UBE2E1: variants seen among roughly 807,000 people sequenced by gnomAD.
UBE2E1 encodes the protein ubiquitin-conjugating enzyme E2 E1.
Under a neutral mutation model 21.4 loss-of-function variants are expected in UBE2E1, and 6 were observed. That is an observed-to-expected ratio of 0.28 (90% CI 0.15 to 0.55). The LOEUF is 0.55. Ranked by LOEUF, UBE2E1 falls within the 20% of genes least tolerant of loss-of-function variation. The pLI is 0.93. For synonymous variants in UBE2E1, 87 were observed against 82.7 expected, an observed-to-expected ratio of 1.05 and a Z score of -0.28; for missense variants, 142 against 236.5, an observed-to-expected ratio of 0.60 and a Z score of 2.62.
intron 3 of UBE2E1, among the ~76,000 whole-genome samples, chr3:23,884,236 G>C (rs10681594): frequency 4.2e-5 from 5 of 118,642 alleles, no homozygotes; most frequent in Non-Finnish European, 7.2e-5. Context: ...AAACAGATTA[G>C]AGAGATAGCA....
rs58059005 is a variant in UBE2E1 at position 23,869,351 on chromosome 3, CT to C, written c.204-18192del. ...ACCTTTTTATAAACTTTATGGTATC[CT>C]TTTTTTTTTTTTTTTTTTTTTTTAA... On this transcript the variant is annotated intron_variant, in intron 3 of 5. Coordinates refer to ENST00000306627, the MANE Select transcript of UBE2E1 (RefSeq NM_003341.5). Among the ~76,000 whole-genome samples, 1,023 of 114,278 alleles carry C rather than the reference CT, an allele frequency of 9.0e-3. 14 individuals carry two copies. The highest frequency in any genetic ancestry group is 0.038 in the African/African-American group (912 of 23,694). 75.0% of individuals were successfully genotyped at this position (114,278 alleles called of 152,430 possible).
At chr3:23,868,992 A>C (rs566508887) in intron 3 of UBE2E1, among the ~76,000 whole-genome samples, 1 of 152,276 alleles carries the variant, frequency 6.6e-6, no homozygotes, top group South Asian at 2.1e-4. Context: ...AAGTTAGCTC[A>C]TTCCAAATTT....
At chr3:23,811,344 C>A in intron 2 of UBE2E1, 116 bp from the exon 3 acceptor site, 1 of 956,596 alleles carries the variant, frequency 1.0e-6, no homozygotes, top group Non-Finnish European at 1.7e-6. Flanking sequence ...TTCCTCTTTG[C>A]CCAGTAGAAT....
intron 3 of UBE2E1, among the ~76,000 whole-genome samples, chr3:23,864,597 TG>T (rs1305582402): frequency 6.6e-6 from 1 of 152,260 alleles, no homozygotes; most frequent in Admixed American, 6.5e-5. Context: ...TATTTTGTTT[TG>T]GCTTTATTCT....
chr3:23,821,327 CT>C (rs1160482361), intron 3 of UBE2E1, among the ~76,000 whole-genome samples: 1 of 152,148 alleles, frequency 6.6e-6, no homozygotes, highest in Admixed American at 6.5e-5. Context: ...AGGAAATGGC[CT>C]TGTGAAAAGT....
intron 3 of UBE2E1, among the ~76,000 whole-genome samples, chr3:23,844,484 T>A (rs943371824): frequency 2.0e-5 from 3 of 152,184 alleles, no homozygotes; most frequent in African/African-American, 7.2e-5. Context: ...GACCAGATCG[T>A]TTCCAGCTCT....
intron 4 of UBE2E1, among the ~76,000 whole-genome samples, chr3:23,888,783 A>G (rs1426381617): frequency 6.6e-6 from 1 of 152,262 alleles, no homozygotes; most frequent in Non-Finnish European, 1.5e-5. Flanking sequence ...GCTTACTTTG[A>G]GGCAGTGTAG....
chr3:23,853,891 A>G lies in UBE2E1; in HGVS notation c.204-33676A>G, dbSNP rs2125309063. 6.6e-6 allele frequency among the ~76,000 whole-genome samples: 1 copy of G among 152,212 alleles called. No individual in the cohort carries two copies. Among genetic ancestry groups the G allele is most frequent in the Non-Finnish European group, 1.5e-5 (1 of 67,990 alleles). On this transcript the variant is annotated intron_variant, in intron 3 of 5. Coordinates refer to ENST00000306627, the MANE Select transcript of UBE2E1 (RefSeq NM_003341.5). The surrounding 1 kb of genome is among the most constrained non-coding windows in gnomAD (Gnocchi z 4.1). ...TCCTCATTTTATAATAATTCGTTTT[A>G]TCCACATGGTTCAAGTGGGTCTTTT...
chr3:23,852,917 G>GTT (rs376198572), intron 3 of UBE2E1, among the ~76,000 whole-genome samples: 22 of 141,956 alleles, frequency 1.5e-4, no homozygotes, highest in African/African-American at 5.7e-4. Context: ...ATTTTGTTTT[G>GTT]TTTTTTTTTT....
At chr3:23,866,228 T>C (rs1700654116) in intron 3 of UBE2E1, 2 of 152,556 alleles carry the variant, frequency 1.3e-5, no homozygotes, top group Admixed American at 6.5e-5. Context: ...GACCCTGTTA[T>C]TTCCTGGTAG....
chr3:23,817,466 A>G (rs372921881), intron 3 of UBE2E1, among the ~76,000 whole-genome samples: 6 of 151,956 alleles, frequency 3.9e-5, no homozygotes, highest in African/African-American at 1.4e-4. Context: ...ACTGCCTTCA[A>G]GGAGTTCATA....
chr3:23,810,559 A>G lies in UBE2E1; in HGVS notation c.153-901A>G. On this transcript the variant is annotated intron_variant, in intron 2 of 5. Transcript: ENST00000306627. This position sits in a 1 kb window ranked among gnomAD's most constrained non-coding sequence, Gnocchi z 5.8. ...GGGAGGTGGGCCGAGAGTCCCGGCC[A>G]GCGTGCGGGGCGGAGGCAGGGTCCG... 2 of 1,525,630 alleles carry G rather than the reference A, an allele frequency of 1.3e-6. No individual in the cohort carries two copies. Among genetic ancestry groups the G allele is most frequent in the Non-Finnish European group, 1.8e-6 (2 of 1,139,908 alleles). 94.5% of individuals were successfully genotyped at this position (1,525,630 alleles called of 1,614,324 possible).
chr3:23,882,487 G>C (rs940030214), intron 3 of UBE2E1, among the ~76,000 whole-genome samples: 2 of 152,240 alleles, frequency 1.3e-5, no homozygotes, highest in Non-Finnish European at 2.9e-5. Flanking sequence ...ATCCTGTGCC[G>C]GGGCTGCGGG....
At chr3:23,833,059 T>C (rs2125295195) in intron 3 of UBE2E1, among the ~76,000 whole-genome samples, 1 of 152,264 alleles carries the variant, frequency 6.6e-6, no homozygotes, top group East Asian at 1.9e-4. Context: ...AAGAAAAATA[T>C]AAAGTATTCA....
intron 3 of UBE2E1, among the ~76,000 whole-genome samples, chr3:23,855,562 G>T (rs991131011): frequency 6.6e-6 from 1 of 152,150 alleles, no homozygotes; most frequent in African/African-American, 2.4e-5. Context: ...GGGCGCGGTG[G>T]CTCACACCTG....
At chr3:23,878,191 C>G (rs766572277) in intron 3 of UBE2E1, among the ~76,000 whole-genome samples, 1 of 152,154 alleles carries the variant, frequency 6.6e-6, no homozygotes, top group Non-Finnish European at 1.5e-5. Context: ...ACTACATTTA[C>G]TCATCTTCCA....
At chr3:23,837,991 G>T (rs1052387925) in intron 3 of UBE2E1, among the ~76,000 whole-genome samples, 1 of 151,314 alleles carries the variant, frequency 6.6e-6, no homozygotes, top group African/African-American at 2.4e-5. Flanking sequence ...CTTTTCATTG[G>T]TTAGTATCTA....
chr3:23,827,078 T>G (rs1699773754), intron 3 of UBE2E1, among the ~76,000 whole-genome samples: 1 of 152,108 alleles, frequency 6.6e-6, no homozygotes, highest in Non-Finnish European at 1.5e-5. Context: ...TTTTTTTCAC[T>G]TATCCATTAT....
At chr3:23,880,340 A>ACG (rs1466314865) in intron 3 of UBE2E1, among the ~76,000 whole-genome samples, 2 of 128,842 alleles carry the variant, frequency 1.6e-5, no homozygotes, top group African/African-American at 5.1e-5. Context: ...CCAAGATGGC[A>ACG]CCACTGCACT....
Sources: allele counts gnomAD v4.1 joint callset (sites outside exome capture counted in the v4.1 genomes callset), GRCh38; gene constraint gnomAD v4.1.1; non-coding constraint Gnocchi (gnomAD v3.1); transcripts MANE v1.5; gene names NCBI Gene and HGNC (gene_info 2026-07-23, HGNC 2026-07-21).